The following UTRN variants were observed in gnomAD, a reference collection of about 807,000 sequenced individuals.
UTRN encodes dystrophin-related protein 1.
UTRN carries 283 observed loss-of-function variants against 463.9 expected under a neutral mutation model. That is an observed-to-expected ratio of 0.61 (90% CI 0.55 to 0.67). The LOEUF is 0.67. Among genes scored for constraint, UTRN ranks in the 30% least tolerant of loss-of-function variants. The probability of loss-of-function intolerance (pLI) is 0.00; values close to 1 mark genes in which losing one functional copy is unlikely to be tolerated. For synonymous variants in UTRN, 1,442 were observed against 1,431.5 expected, an observed-to-expected ratio of 1.01 and a Z score of -0.17; for missense variants, 3,922 against 4,084.3, an observed-to-expected ratio of 0.96 and a Z score of 1.08.
At chr6:144,535,461 GAT>G (rs1797447422) in intron 43 of UTRN, among the ~76,000 whole-genome samples, 1 of 152,308 alleles carries the variant, frequency 6.6e-6, no homozygotes. Flanking sequence ...TCTAAAGGTA[GAT>G]ATCTGTGGAG....
At chr6:144,766,173 T>C (rs993471607) in intron 58 of UTRN, among the ~76,000 whole-genome samples, 1 of 151,954 alleles carries the variant, frequency 6.6e-6, no homozygotes, top group Non-Finnish European at 1.5e-5. Flanking sequence ...TGAGAATCAA[T>C]GTTACTGATG....
chr6:144,504,497 C>T (rs1450702232), intron 34 of UTRN, among the ~76,000 whole-genome samples: 3 of 152,042 alleles, frequency 2.0e-5, no homozygotes, highest in East Asian at 3.8e-4. Context: ...TTGAGATAAT[C>T]GTGGTTTGTG....
chr6:144,666,065 G>A (rs1330117688), intron 51 of UTRN, among the ~76,000 whole-genome samples: 2 of 152,282 alleles, frequency 1.3e-5, no homozygotes, highest in African/African-American at 2.4e-5. Flanking sequence ...GGGCTTGCAG[G>A]TGACAGAGGT....
At position 144,607,802 on chromosome 6, in the gene UTRN, A is replaced by G. The variant is rs149015560; in HGVS notation, c.7479+30514A>G. ...CTGTATAACTTAGAAGGTCAGAGAT[A>G]AACTGGAAGAGATTGAAACAAGAAC... On this transcript the variant is annotated intron_variant, in intron 51 of 74. Coordinates refer to ENST00000367545, the MANE Select transcript of UTRN (RefSeq NM_007124.3). Among the ~76,000 whole-genome samples, 3 of 152,236 alleles carry G rather than the reference A, an allele frequency of 2.0e-5. No homozygotes were observed. The South Asian group carries it at 6.2e-4, about 32-fold the overall frequency.
At chr6:144,546,735 G>A in intron 46 of UTRN, among the ~76,000 whole-genome samples, 1 of 152,156 alleles carries the variant, frequency 6.6e-6, no homozygotes. Flanking sequence ...CTTGAACTCA[G>A]GAGGTTGAGG....
At chr6:144,559,082 T>C (rs1333476336) in intron 50 of UTRN, among the ~76,000 whole-genome samples, 1 of 151,914 alleles carries the variant, frequency 6.6e-6, no homozygotes, top group East Asian at 1.9e-4. Flanking sequence ...TGGCCTGCTT[T>C]ATTTAGCACC....
intron 46 of UTRN, among the ~76,000 whole-genome samples, chr6:144,546,053 T>C (rs1445227421): frequency 1.3e-5 from 2 of 152,168 alleles, no homozygotes; most frequent in Non-Finnish European, 2.9e-5. Context: ...TTACACATAA[T>C]AGGTTCTTAA....
intron 25 of UTRN, among the ~76,000 whole-genome samples, chr6:144,475,083 G>A (rs1232605699): frequency 1.3e-5 from 2 of 152,180 alleles, no homozygotes; most frequent in South Asian, 2.1e-4. Context: ...GTTGCCACCT[G>A]TCAAGCATCA....
At chr6:144,421,779 A>G in intron 3 of UTRN, 99 bp from the exon 4 acceptor site, 1 of 789,504 alleles carries the variant, frequency 1.3e-6, no homozygotes, top group East Asian at 3.2e-5. Context: ...CAACATTTTA[A>G]TTGAGCAAAA....
chr6:144,583,659 G>T (rs867259677), intron 51 of UTRN: 2 of 509,298 alleles, frequency 3.9e-6, no homozygotes, highest in Middle Eastern at 2.8e-4. Context: ...TGTTTCTCAG[G>T]CTCTAAAAAC....
chr6:144,455,455 A>G (rs1165995435), intron 19 of UTRN, among the ~76,000 whole-genome samples: 1 of 152,202 alleles, frequency 6.6e-6, no homozygotes, highest in Non-Finnish European at 1.5e-5. Context: ...CTTTACAAGC[A>G]TAGATTTTTT....
chr6:144,591,089 C>G (rs1420489125), intron 51 of UTRN, among the ~76,000 whole-genome samples: 2 of 152,072 alleles, frequency 1.3e-5, no homozygotes, highest in African/African-American at 2.4e-5. Flanking sequence ...AGTCTCATGT[C>G]TCTTGGTTGT....
chr6:144,582,132 C>A (rs1802025218), intron 51 of UTRN, among the ~76,000 whole-genome samples: 1 of 152,086 alleles, frequency 6.6e-6, no homozygotes, highest in Admixed American at 6.5e-5. Context: ...AAACACCGTT[C>A]TGTAAGACAC....
At position 144,494,466 on chromosome 6, in the gene UTRN, C is replaced by T. The variant is rs540128385; in HGVS notation, c.4593+1010C>T. On this transcript the variant is annotated intron_variant, in intron 33 of 74. Transcript: ENST00000367545. Reference sequence around the variant, plus strand: ...AAGCAGTGTGGACCCAAAGAGTGAGCAGTAGCAAGATTTATTGCAAAGAGC... The same window carrying T: ...AAGCAGTGTGGACCCAAAGAGTGAGTAGTAGCAAGATTTATTGCAAAGAGC... Among the ~76,000 whole-genome samples the T allele has an allele frequency of 4.0e-3, 606 of 152,270 alleles. 5 individuals carry two copies. The highest frequency in any genetic ancestry group is 0.013 in the African/African-American group (523 of 41,540).
At chr6:144,553,160 C>G (rs1201280721) in intron 48 of UTRN, among the ~76,000 whole-genome samples, 1 of 152,310 alleles carries the variant, frequency 6.6e-6, no homozygotes, top group East Asian at 1.9e-4. Flanking sequence ...GCCTCAGCCT[C>G]CCAAGTAGCT....
At chr6:144,758,078 A>G (rs746971431) in intron 58 of UTRN, 89 bp downstream of exon 58, 5 of 1,141,790 alleles carry the variant, frequency 4.4e-6, no homozygotes, top group Admixed American at 2.3e-5. Context: ...AACTTTTAAA[A>G]ATAGAATTCA....
intron 2 of UTRN, among the ~76,000 whole-genome samples, chr6:144,318,051 C>G (rs1403972873): frequency 2.6e-5 from 4 of 152,138 alleles, no homozygotes; most frequent in African/African-American, 9.6e-5. Flanking sequence ...CTTAGGTACT[C>G]TGCTTGTAGG....
chr6:144,522,768 C>T (rs974784219), intron 40 of UTRN, among the ~76,000 whole-genome samples: 2 of 151,932 alleles, frequency 1.3e-5, no homozygotes, highest in African/African-American at 2.4e-5. Flanking sequence ...TTCATGTGTT[C>T]TGTACAAATG....
chr6:144,771,780 G>T, intron 58 of UTRN, 127 bp from the exon 59 acceptor site: 1 of 673,772 alleles, frequency 1.5e-6, no homozygotes, highest in South Asian at 2.3e-5. Flanking sequence ...GGTTGATAAT[G>T]AGGATAATTT....
Sources: allele counts gnomAD v4.1 joint callset (sites outside exome capture counted in the v4.1 genomes callset), GRCh38; gene constraint gnomAD v4.1.1; transcripts MANE v1.5; gene names NCBI Gene and HGNC (gene_info 2026-07-23, HGNC 2026-07-21).